The following GPR19 variants were observed in gnomAD, a reference collection of about 807,000 sequenced individuals.
GPR19 encodes the protein G protein-coupled receptor 19, also known as probable G protein-coupled receptor 19.
In GPR19, 14 loss-of-function variants were observed where a neutral mutation model predicts 28.5. That is an observed-to-expected ratio of 0.49 (90% CI 0.32 to 0.77). The LOEUF is 0.77. GPR19 is among the 30% of genes least tolerant of loss of function. GPR19 has a pLI of 0.03. For missense variants in GPR19, 409 were observed against 504.1 expected, an observed-to-expected ratio of 0.81 and a Z score of 1.81; for synonymous variants, 173 against 184.1, an observed-to-expected ratio of 0.94 and a Z score of 0.49.
chr12:12,677,308 G>A (rs895777668), intron 3 of GPR19, among the ~76,000 whole-genome samples: 2 of 151,492 alleles, frequency 1.3e-5, no homozygotes, highest in African/African-American at 4.9e-5. Context: ...CTAGGTTGAA[G>A]CGATTCTCAT....
intron 2 of GPR19, among the ~76,000 whole-genome samples, chr12:12,685,265 C>CTTT (rs11412017): frequency 0.014 from 1,913 of 140,022 alleles, 33 homozygotes; most frequent in African/African-American, 0.046. Flanking sequence ...TAAATATGGT[C>CTTT]TTTTTTTTTT....
intron 1 of GPR19, 55 bp downstream of exon 1, chr12:12,696,010 C>T (rs1156561536): frequency 1.3e-5 from 2 of 152,218 alleles, no homozygotes; most frequent in Non-Finnish European, 2.9e-5. Context: ...TCGCTGAAAC[C>T]TCCCCTCACA....
At chr12:12,692,663 T>C (rs1451702353) in intron 2 of GPR19, among the ~76,000 whole-genome samples, 4 of 151,928 alleles carry the variant, frequency 2.6e-5, no homozygotes, top group Non-Finnish European at 4.4e-5. Context: ...GTATTTGATA[T>C]CCACAAAGCA....
At chr12:12,685,281 G>GT (rs1946078528) in intron 2 of GPR19, among the ~76,000 whole-genome samples, 1 of 124,486 alleles carries the variant, frequency 8.0e-6, no homozygotes, top group Non-Finnish European at 1.8e-5. Flanking sequence ...TTTTTTTTTG[G>GT]TGGGGGGGAG....
At chr12:12,677,005 T>A (rs936897015) in intron 3 of GPR19, among the ~76,000 whole-genome samples, 3 of 152,184 alleles carry the variant, frequency 2.0e-5, no homozygotes, top group Non-Finnish European at 4.4e-5. Context: ...TTACAGCTAT[T>A]TGAAAAGGAG....
the GPR19 span, among the ~76,000 whole-genome samples, chr12:12,713,615 C>A: frequency 6.6e-6 from 1 of 152,094 alleles, no homozygotes; most frequent in African/African-American, 2.4e-5. Context: ...TCACTGCAAC[C>A]TCCGCCTCCT....
chr12:12,715,073 T>C, the GPR19 span: 3 of 152,180 alleles, frequency 2.0e-5, no homozygotes, highest in African/African-American at 7.2e-5. Flanking sequence ...AAGACATGAA[T>C]TCCATGAGTA....
intron 2 of GPR19, among the ~76,000 whole-genome samples, chr12:12,690,615 G>A (rs2136335589): frequency 6.6e-6 from 1 of 152,300 alleles, no homozygotes; most frequent in Admixed American, 6.5e-5. Context: ...AGTTCTGCTT[G>A]TCCCTTATTG....
Position 12,662,312 on chromosome 12 carries a change from T to G in GPR19, c.137A>C (p.Glu46Ala). 1 of 1,614,214 alleles carries G rather than the reference T, an allele frequency of 6.2e-7. No individual in the cohort carries two copies. Among genetic ancestry groups the G allele is most frequent in the South Asian group, 1.1e-5 (1 of 91,086 alleles). Reference protein sequence around the residue: ...PSQYLMELSEEHSWMSNQTDL... With the variant: ...PSQYLMELSEAHSWMSNQTDL... Reference sequence around the variant, plus strand: ...TGTTTGGTTGCTCATCCAACTGTGCTCCTCACTTAATTCCATCAGGTATTG... The same window carrying G: ...TGTTTGGTTGCTCATCCAACTGTGCGCCTCACTTAATTCCATCAGGTATTG... Residue 46 changes from glutamate to alanine, a missense_variant, in exon 4 of 4, where the codon GAG becomes GCG. Glu to Ala is a moderately radical substitution (Grantham distance 107). Coordinates refer to ENST00000651487, the MANE Select transcript of GPR19 (RefSeq NM_006143.3).
chr12:12,703,785 C>T, the GPR19 span, among the ~76,000 whole-genome samples: 1 of 152,172 alleles, frequency 6.6e-6, no homozygotes, highest in Non-Finnish European at 1.5e-5. Flanking sequence ...GTATAAGTTG[C>T]ATGACTGCCA....
chr12:12,664,192 G>A (rs374472825), intron 3 of GPR19, among the ~76,000 whole-genome samples: 26 of 152,116 alleles, frequency 1.7e-4, no homozygotes, highest in African/African-American at 6.0e-4. Context: ...GTTTCCCCAC[G>A]TTGGCCAGGC....
intron 2 of GPR19, among the ~76,000 whole-genome samples, chr12:12,694,151 A>T (rs1262296864): frequency 6.8e-6 from 1 of 147,858 alleles, no homozygotes; most frequent in African/African-American, 2.5e-5. Context: ...TAAGCTCCCA[A>T]GGTGATTCTA....
At chr12:12,682,859 T>C (rs1946042450) in intron 3 of GPR19, among the ~76,000 whole-genome samples, 1 of 152,208 alleles carries the variant, frequency 6.6e-6, no homozygotes, top group Non-Finnish European at 1.5e-5. Flanking sequence ...TTAAAAAAAG[T>C]TATTAGCAAA....
At chr12:12,691,154 TA>T (rs1389123356) in intron 2 of GPR19, among the ~76,000 whole-genome samples, 2 of 150,554 alleles carry the variant, frequency 1.3e-5, no homozygotes, top group Non-Finnish European at 3.0e-5. Flanking sequence ...TATCCCAAAC[TA>T]AAAAATATAA....
In GPR19 at chr12:12,674,086, C is replaced by T. The variant is rs373787076; in HGVS notation, c.-23+10265G>A. Among the ~76,000 whole-genome samples, 209 of 151,716 alleles carry T rather than the reference C, an allele frequency of 1.4e-3. 3 individuals carry two copies. The Middle Eastern group carries it at 0.024, about 17-fold the overall frequency. On this transcript the variant is annotated intron_variant, in intron 3 of 3. Transcript: ENST00000651487. The stretch of plus-strand genomic sequence containing the variant: ...AATTAGCCCAGCATGGTGGTGAGTG[C>T]CTGTAATCCCAGCTACTCGAAAGGC...
chr12:12,710,814 T>C, the GPR19 span, among the ~76,000 whole-genome samples: 1 of 152,198 alleles, frequency 6.6e-6, no homozygotes, highest in African/African-American at 2.4e-5. Flanking sequence ...GTGAGGGGAT[T>C]ACAAACATGA....
At chr12:12,693,513 C>T (rs1204714094) in intron 2 of GPR19, among the ~76,000 whole-genome samples, 2 of 152,148 alleles carry the variant, frequency 1.3e-5, no homozygotes, top group Non-Finnish European at 2.9e-5. Context: ...GATCAAAAGA[C>T]CAGCTTGGGA....
At chr12:12,678,827 C>T (rs2136327995) in intron 3 of GPR19, among the ~76,000 whole-genome samples, 1 of 152,306 alleles carries the variant, frequency 6.6e-6, no homozygotes, top group Non-Finnish European at 1.5e-5. Flanking sequence ...GACAGAGTCG[C>T]ACTCTGTTAC....
the GPR19 span, among the ~76,000 whole-genome samples, chr12:12,712,139 C>T: frequency 1.3e-3 from 202 of 152,328 alleles, 1 homozygote; most frequent in African/African-American, 4.6e-3. Context: ...TACACCTTTG[C>T]GGCTCAGGAG....
Sources: allele counts gnomAD v4.1 joint callset (sites outside exome capture counted in the v4.1 genomes callset), GRCh38; gene constraint gnomAD v4.1.1; transcripts MANE v1.5; gene names NCBI Gene and HGNC (gene_info 2026-07-23, HGNC 2026-07-21).